The following CD109 variants were observed in gnomAD, a reference collection of about 807,000 sequenced individuals.
CD109 encodes CD109 molecule.
CD109 carries 149 observed loss-of-function variants against 165.8 expected under a neutral mutation model. The observed-to-expected ratio is 0.90, with a 90% confidence interval of 0.79 to 1.03. CD109 has a LOEUF of 1.03. Among genes scored for constraint, CD109 ranks in the 50% least tolerant of loss-of-function variants. CD109 has a pLI of 0.00. For synonymous variants in CD109, 585 were observed against 592.1 expected (o/e 0.99, Z 0.18); for missense variants, 1,712 against 1,677.8 (o/e 1.02, Z -0.36).
At chr6:73,766,633 G>C in intron 11 of CD109, 126 bp from the exon 12 acceptor site, 1 of 651,620 alleles carries the variant, frequency 1.5e-6, no homozygotes, top group Non-Finnish European at 2.7e-6. Context: ...TCTGGTGAAT[G>C]TATTTTTCTT....
rs567710966 is a variant in CD109 at position 73,741,082 on chromosome 6, T to C, written c.633+4574T>C. Among the ~76,000 whole-genome samples the C allele has an allele frequency of 3.3e-5, 5 of 152,198 alleles. No individual in the cohort carries two copies. In the South Asian group the frequency reaches 8.3e-4, roughly 25 times the overall value. On this transcript the variant is annotated intron_variant, in intron 5 of 32. Coordinates refer to ENST00000287097, the MANE Select transcript of CD109 (RefSeq NM_133493.5). ...CATATGATGGTGGGACATCATAAGT[T>C]CTCAATATATACATAGACTTTTTTT... is the stretch of plus-strand genomic sequence containing the variant.
In CD109 at chr6:73,821,774, T is replaced by C. The variant is rs191544980; in HGVS notation, c.4162+1211T>C. On this transcript the variant is annotated intron_variant, in intron 32 of 32. Coordinates refer to ENST00000287097, the MANE Select transcript of CD109 (RefSeq NM_133493.5). ...CTGAAACACTCTCTATTGGGTACAA[T>C]GTTCATTATTTGGGTGACAGGATCA... Among the ~76,000 whole-genome samples the C allele has an allele frequency of 1.1e-3, 173 of 152,280 alleles. 2 individuals are homozygous for C. Among genetic ancestry groups the C allele is most frequent in the African/African-American group, 4.0e-3 (166 of 41,568 alleles).
chr6:73,809,873 A>G (rs1775690676), intron 26 of CD109, 111 bp from the exon 27 acceptor site: 1 of 712,322 alleles, frequency 1.4e-6, no homozygotes, highest in Admixed American at 3.5e-5. Context: ...ATACAAGTAT[A>G]TATTTTTTAT....
At chr6:73,744,018 G>A (rs1199183566) in intron 5 of CD109, among the ~76,000 whole-genome samples, 1 of 152,294 alleles carries the variant, frequency 6.6e-6, no homozygotes, top group African/African-American at 2.4e-5. Flanking sequence ...AATCAGTGTA[G>A]CGTTATTTTC....
At chr6:73,800,123 T>C (rs1452044789) in intron 23 of CD109, among the ~76,000 whole-genome samples, 1 of 152,208 alleles carries the variant, frequency 6.6e-6, no homozygotes, top group African/African-American at 2.4e-5. Context: ...CCCAAAGTGC[T>C]GAACCTTGGC....
chr6:73,712,971 G>A (rs778893068), intron 2 of CD109, among the ~76,000 whole-genome samples: 1 of 152,102 alleles, frequency 6.6e-6, no homozygotes, highest in Admixed American at 6.5e-5. Flanking sequence ...ATGGAGCCTC[G>A]CCAAAAGGGA....
intron 20 of CD109, 74 bp from the exon 21 acceptor site, chr6:73,787,160 A>T: frequency 1.1e-6 from 1 of 912,032 alleles, no homozygotes; most frequent in Non-Finnish European, 1.7e-6. Context: ...GACAGTACTT[A>T]AACTGGTGAT....
chr6:73,752,978 C>G (rs1343487504), intron 5 of CD109, among the ~76,000 whole-genome samples: 1 of 152,140 alleles, frequency 6.6e-6, no homozygotes, highest in East Asian at 1.9e-4. Context: ...AAAGTTTAGT[C>G]AAATTTAGTT....
Position 73,771,471 on chromosome 6 carries a change from A to G in CD109, c.1717A>G (p.Lys573Glu). 2 of 1,608,860 alleles carry G rather than the reference A, an allele frequency of 1.2e-6. No individual in the cohort carries two copies. Among genetic ancestry groups the G allele is most frequent in the Non-Finnish European group, 1.7e-6 (2 of 1,178,250 alleles). The change falls in exon 15 of 33, where the codon AAA (lysine) becomes GAA (glutamate). Residue 573 changes from lysine (K) to glutamate (E), a missense_variant. Physicochemically the swap from Lys to Glu is moderately conservative, Grantham distance 56 (BLOSUM62 1). Coordinates refer to ENST00000287097, the MANE Select transcript of CD109 (RefSeq NM_133493.5). ...WSKVKAEPSE[K>E]VSLRISVTQP... ...TAAAGTGAAAGCTGAACCATCTGAGAAAGTCTCTCTTAGGATCTCTGTGAC... is the reference window on the plus strand; with the variant it reads ...TAAAGTGAAAGCTGAACCATCTGAGGAAGTCTCTCTTAGGATCTCTGTGAC...
At chr6:73,787,802 A>G (rs1055335161) in intron 21 of CD109, among the ~76,000 whole-genome samples, 1 of 152,194 alleles carries the variant, frequency 6.6e-6, no homozygotes, top group African/African-American at 2.4e-5. Flanking sequence ...GAGATTTTGT[A>G]GATTTTTTTC....
chr6:73,721,122 C>T (rs148301580), intron 2 of CD109, among the ~76,000 whole-genome samples: 39 of 152,300 alleles, frequency 2.6e-4, no homozygotes, highest in African/African-American at 8.7e-4. Flanking sequence ...TTTTGAAACA[C>T]CATGTTCAAT....
At chr6:73,803,116 T>TC in intron 23 of CD109, 104 bp from the exon 24 acceptor site, 1 of 756,684 alleles carries the variant, frequency 1.3e-6, no homozygotes, top group Non-Finnish European at 2.3e-6. Flanking sequence ...ATTTCTTCTT[T>TC]CCCCCTCTCT....
intron 16 of CD109, among the ~76,000 whole-genome samples, chr6:73,780,994 G>A (rs1030123979): frequency 1.4e-5 from 2 of 138,578 alleles, no homozygotes; most frequent in South Asian, 2.2e-4. Context: ...GAGAGAGATC[G>A]ATATGTGTAT....
At chr6:73,810,240 T>A in intron 27 of CD109, 66 bp downstream of exon 27, 6 of 367,290 alleles carry the variant, frequency 1.6e-5, no homozygotes, top group South Asian at 1.1e-4. Context: ...ATTATATATA[T>A]TTTATATATA....
At chr6:73,751,025 G>T (rs1773170942) in intron 5 of CD109, among the ~76,000 whole-genome samples, 1 of 152,088 alleles carries the variant, frequency 6.6e-6, no homozygotes, top group Non-Finnish European at 1.5e-5. Context: ...TCCAGCTCGG[G>T]TCTTCTTTGG....
In CD109 at chr6:73,719,374, T is replaced by C. The variant is rs1308618680; in HGVS notation, c.248-3877T>C. Among the ~76,000 whole-genome samples, 3 of 152,258 alleles carry C rather than the reference T, an allele frequency of 2.0e-5. No individual in the cohort carries two copies. The East Asian group carries it at 5.8e-4, about 29-fold the overall frequency. On this transcript the variant is annotated intron_variant, in intron 2 of 32. Coordinates refer to ENST00000287097, the MANE Select transcript of CD109 (RefSeq NM_133493.5). ...TAGCCTATACATGCTAGATTGATGA[T>C]TATTGCCATTATTTTTGTGATAGTT...
chr6:73,759,203 C>G (rs1773519752), intron 7 of CD109, among the ~76,000 whole-genome samples, 175 bp downstream of exon 7: 1 of 152,170 alleles, frequency 6.6e-6, no homozygotes, highest in South Asian at 2.1e-4. Flanking sequence ...CCACATTTCA[C>G]TGCATCTATC....
At chr6:73,814,435 G>C (rs1775860192) in intron 29 of CD109, among the ~76,000 whole-genome samples, 1 of 152,060 alleles carries the variant, frequency 6.6e-6, no homozygotes, top group Admixed American at 6.6e-5. Flanking sequence ...TAACATCAGT[G>C]GTGGGTACAG....
upstream of CD109, among the ~76,000 whole-genome samples, chr6:73,692,803 CATATG>C (rs1416041772): frequency 2.6e-5 from 4 of 152,188 alleles, no homozygotes; most frequent in Admixed American, 2.6e-4. Context: ...AGTTCCCCTA[CATATG>C]CTCTCTTGCC....
Sources: gnomAD v4.1 joint callset for allele counts (sites outside exome capture counted in the v4.1 genomes callset) on GRCh38, gnomAD v4.1.1 for gene constraint, MANE v1.5 for transcripts, NCBI Gene and HGNC (gene_info 2026-07-23, HGNC 2026-07-21) for gene names.